The following FREM2 variants were observed in gnomAD, a reference collection of about 807,000 sequenced individuals.
FREM2 encodes FRAS1-related extracellular matrix protein 2.
In FREM2, 119 loss-of-function variants were observed where a neutral mutation model predicts 219.9. That is an observed-to-expected ratio of 0.54 (90% confidence interval 0.47 to 0.63). FREM2 has a LOEUF of 0.63. Ranked by LOEUF, FREM2 falls within the 30% of genes least tolerant of loss-of-function variation. FREM2 has a pLI of 0.00. For synonymous variants in FREM2, 1,562 were observed against 1,522.8 expected, an observed-to-expected ratio of 1.03 and a Z score of -0.60; for missense variants, 4,030 against 3,993.6, an observed-to-expected ratio of 1.01 and a Z score of -0.25.
chr13:38,852,569 A>T (rs1877409448), intron 11 of FREM2, among the ~76,000 whole-genome samples: 1 of 152,190 alleles, frequency 6.6e-6, no homozygotes, highest in African/African-American at 2.4e-5. Flanking sequence ...AAACCAAAAA[A>T]TTTTGTGTTA....
chr13:38,760,551 C>A (rs912330370), intron 2 of FREM2, among the ~76,000 whole-genome samples: 1 of 152,206 alleles, frequency 6.6e-6, no homozygotes, highest in African/African-American at 2.4e-5. Flanking sequence ...CAATAATTCA[C>A]ATTTATGTAT....
intron 11 of FREM2, among the ~76,000 whole-genome samples, chr13:38,852,412 G>A (rs1877404336): frequency 6.6e-6 from 1 of 152,104 alleles, no homozygotes; most frequent in Non-Finnish European, 1.5e-5. Flanking sequence ...ATAACCTTCT[G>A]TTTGAATTGG....
chr13:38,880,574 C>T lies in FREM2; in HGVS notation c.9297C>T (p.Pro3099=), dbSNP rs61740351. Residue 3099 remains proline (P), a synonymous_variant, in exon 24 of 24, where the codon CCC becomes CCT. Transcript: ENST00000280481. ...HGRAPPDGIL[P]WELNSPSSAV... ...GAGCACCTCCAGATGGCATCCTCCCCTGGGAGCTCAACAGCCCCAGCTCTG... is the reference window on the plus strand; with the variant it reads ...GAGCACCTCCAGATGGCATCCTCCCTTGGGAGCTCAACAGCCCCAGCTCTG... 2.1e-4 allele frequency: 332 copies of T among 1,614,128 alleles called. No individual in the cohort carries two copies. The Middle Eastern group carries it at 3.3e-3, about 16-fold the overall frequency.
At chr13:38,862,556 C>T (rs974391386) in intron 15 of FREM2, among the ~76,000 whole-genome samples, 3 of 152,310 alleles carry the variant, frequency 2.0e-5, no homozygotes, top group East Asian at 1.9e-4. Flanking sequence ...GTTCAATAGC[C>T]ACAGTTCTGC....
At chr13:38,778,024 G>A (rs1873946545) in intron 4 of FREM2, among the ~76,000 whole-genome samples, 1 of 152,188 alleles carries the variant, frequency 6.6e-6, no homozygotes, top group Non-Finnish European at 1.5e-5. Flanking sequence ...AAACCTGCAT[G>A]TGTCATAAGG....
chr13:38,784,144 G>C lies in FREM2; in HGVS notation c.5768-413G>C, dbSNP rs1320172085. 2.6e-5 allele frequency among the ~76,000 whole-genome samples: 4 copies of C among 152,348 alleles called. No homozygotes were observed. The Middle Eastern group carries it at 0.01, about 389-fold the overall frequency. On this transcript the variant is annotated intron_variant, in intron 5 of 23. Transcript: ENST00000280481. ...GACCAGCCTTGGACTCCGGGGTCCAGACCAAGTGGTTCAACTTCTGAAAAC... is the reference window on the plus strand; with the variant it reads ...GACCAGCCTTGGACTCCGGGGTCCACACCAAGTGGTTCAACTTCTGAAAAC...
intron 1 of FREM2, among the ~76,000 whole-genome samples, chr13:38,693,107 A>G (rs1869964624): frequency 1.3e-5 from 2 of 152,210 alleles, no homozygotes; most frequent in Non-Finnish European, 2.9e-5. Context: ...TGACAGGCAA[A>G]TACTCATCCA....
intron 16 of FREM2, among the ~76,000 whole-genome samples, chr13:38,871,735 A>G (rs919267337): frequency 6.6e-6 from 1 of 152,144 alleles, no homozygotes; most frequent in Non-Finnish European, 1.5e-5. Flanking sequence ...ATGCAAAATA[A>G]TTATGGTGGA....
At chr13:38,781,651 CT>C (rs1330858628) in intron 4 of FREM2, among the ~76,000 whole-genome samples, 2 of 152,058 alleles carry the variant, frequency 1.3e-5, no homozygotes, top group African/African-American at 4.8e-5. Flanking sequence ...AAAATGGGGG[CT>C]TTTTAAAAAT....
At chr13:38,733,806 C>T (rs1036567383) in intron 2 of FREM2, among the ~76,000 whole-genome samples, 4 of 152,178 alleles carry the variant, frequency 2.6e-5, no homozygotes, top group Admixed American at 2.6e-4. Flanking sequence ...CCACATCCAA[C>T]CTGTCTTACT....
intron 4 of FREM2, among the ~76,000 whole-genome samples, chr13:38,782,327 G>C (rs996785786): frequency 6.6e-6 from 1 of 151,998 alleles, no homozygotes; most frequent in African/African-American, 2.4e-5. Flanking sequence ...CATGATAACT[G>C]CATTTTTTTT....
intron 6 of FREM2, among the ~76,000 whole-genome samples, chr13:38,805,122 C>T (rs79004746): frequency 0.021 from 3,129 of 152,052 alleles, 52 homozygotes; most frequent in Middle Eastern, 0.058. Context: ...CCTGGATAAA[C>T]GAGCTTGAAG....
At chr13:38,880,087 G>T (rs1566177094) in intron 23 of FREM2, among the ~76,000 whole-genome samples, 197 bp from the exon 24 acceptor site, 1 of 152,126 alleles carries the variant, frequency 6.6e-6, no homozygotes, top group Non-Finnish European at 1.5e-5. Context: ...ACTCCCTTAA[G>T]AGTTGCACAG....
intron 6 of FREM2, among the ~76,000 whole-genome samples, chr13:38,807,128 AT>A (rs1875260825): frequency 7.3e-6 from 1 of 136,206 alleles, no homozygotes; most frequent in Non-Finnish European, 1.6e-5. Flanking sequence ...GTTTGAATAA[AT>A]TTTTTTCAAC....
At chr13:38,742,460 T>G (rs992635580) in intron 2 of FREM2, among the ~76,000 whole-genome samples, 1 of 152,198 alleles carries the variant, frequency 6.6e-6, no homozygotes, top group African/African-American at 2.4e-5. Flanking sequence ...CAGTATCGAT[T>G]TTTGGGTCTT....
At chr13:38,707,923 A>G (rs1296600271) in intron 2 of FREM2, among the ~76,000 whole-genome samples, 1 of 152,146 alleles carries the variant, frequency 6.6e-6, no homozygotes, top group Non-Finnish European at 1.5e-5. Context: ...CCTAAACCTC[A>G]GGGTCATTTT....
chr13:38,833,715 T>TA (rs1725504424), intron 6 of FREM2, among the ~76,000 whole-genome samples: 1 of 152,200 alleles, frequency 6.6e-6, no homozygotes, highest in Non-Finnish European at 1.5e-5. Context: ...AGTGTCCATC[T>TA]ATAGGTAGAT....
At chr13:38,796,146 C>T (rs961229012) in intron 6 of FREM2, among the ~76,000 whole-genome samples, 1 of 152,140 alleles carries the variant, frequency 6.6e-6, no homozygotes, top group African/African-American at 2.4e-5. Context: ...TCATCCATAA[C>T]TGTGTACAGC....
intron 7 of FREM2, 34 bp from the exon 8 acceptor site, chr13:38,848,427 T>C: frequency 2.8e-6 from 4 of 1,433,596 alleles, no homozygotes; most frequent in Middle Eastern, 1.7e-4. Context: ...ATTTAATTAG[T>C]CCCCAACTGA....
Sources: gnomAD v4.1 joint callset for allele counts (sites outside exome capture counted in the v4.1 genomes callset) on GRCh38, gnomAD v4.1.1 for gene constraint, MANE v1.5 for transcripts, NCBI Gene and HGNC (gene_info 2026-07-23, HGNC 2026-07-21) for gene names.